CD247: variants seen among roughly 807,000 people sequenced by gnomAD.
CD247 encodes the protein T-cell surface glycoprotein CD3 zeta chain.
CD247 carries 13 observed loss-of-function variants against 30.0 expected under a neutral mutation model. The ratio of observed to expected loss-of-function variants is 0.43; its 90% confidence interval spans 0.28 to 0.69. The LOEUF is 0.69. CD247 is among the 30% of genes least tolerant of loss of function. The pLI is 0.16. For synonymous variants in CD247, 72 were observed against 80.0 expected (o/e 0.90, Z 0.53); for missense variants, 193 against 212.6 (o/e 0.91, Z 0.57).
chr1:167,437,004 T>C (rs1651575713), intron 4 of CD247, among the ~76,000 whole-genome samples: 1 of 152,184 alleles, frequency 6.6e-6, no homozygotes. Flanking sequence ...TGAAGTCTGC[T>C]TGTTGAAGAA....
At chr1:167,508,835 A>G (rs527699402) in intron 1 of CD247, among the ~76,000 whole-genome samples, 2 of 152,294 alleles carry the variant, frequency 1.3e-5, no homozygotes, top group African/African-American at 4.8e-5. Context: ...CTGAAGACAA[A>G]TTTAGACTTT....
chr1:167,508,058 A>C (rs1655222927), intron 1 of CD247, among the ~76,000 whole-genome samples: 1 of 152,190 alleles, frequency 6.6e-6, no homozygotes, highest in African/African-American at 2.4e-5. Flanking sequence ...AATTGTCATG[A>C]AGATCAAAAA....
intron 1 of CD247, among the ~76,000 whole-genome samples, chr1:167,501,989 C>T (rs775322141): frequency 7.2e-5 from 11 of 152,212 alleles, no homozygotes; most frequent in Admixed American, 2.6e-4. Flanking sequence ...AGGGCAACCC[C>T]GGTGCTCCCG....
chr1:167,492,313 GTT>G (rs1224392979), intron 1 of CD247, among the ~76,000 whole-genome samples: 1 of 152,172 alleles, frequency 6.6e-6, no homozygotes, highest in Non-Finnish European at 1.5e-5. Context: ...AGGGGGTGCT[GTT>G]AGCCTGTTTC....
At chr1:167,458,733 T>C (rs1275981222) in intron 1 of CD247, 1 of 137,900 alleles carries the variant, frequency 7.3e-6, no homozygotes, top group East Asian at 2.2e-4. Context: ...GGTCTTGCTC[T>C]CTTGTCCAGG....
intron 1 of CD247, among the ~76,000 whole-genome samples, chr1:167,474,856 G>A (rs1397573693): frequency 2.0e-5 from 3 of 149,474 alleles, no homozygotes; most frequent in Non-Finnish European, 1.5e-5. Context: ...GAGTTCAAGC[G>A]ATTCTCCTGC....
At chr1:167,460,251 A>C (rs1261180216) in intron 1 of CD247, among the ~76,000 whole-genome samples, 1 of 151,662 alleles carries the variant, frequency 6.6e-6, no homozygotes, top group Non-Finnish European at 1.5e-5. Context: ...AAAATAGAAA[A>C]ATTATCTGGG....
At chr1:167,482,133 G>A (rs1462309594) in intron 1 of CD247, among the ~76,000 whole-genome samples, 3 of 152,202 alleles carry the variant, frequency 2.0e-5, no homozygotes, top group Non-Finnish European at 4.4e-5. Flanking sequence ...CCTGTGAAAA[G>A]TTCTCTGGCC....
intron 1 of CD247, among the ~76,000 whole-genome samples, chr1:167,508,896 C>T (rs1479293162): frequency 6.6e-6 from 1 of 152,162 alleles, no homozygotes; most frequent in Non-Finnish European, 1.5e-5. Context: ...CTTTCTTGTG[C>T]TTATGGGCTC....
intron 1 of CD247, among the ~76,000 whole-genome samples, chr1:167,485,426 T>C (rs1225475370): frequency 6.6e-6 from 1 of 152,166 alleles, no homozygotes; most frequent in Non-Finnish European, 1.5e-5. Context: ...GTGGAGAGGC[T>C]GAGGTTTGTT....
At chr1:167,470,794 G>A (rs367845319) in intron 1 of CD247, among the ~76,000 whole-genome samples, 37 of 150,634 alleles carry the variant, frequency 2.5e-4, no homozygotes, top group African/African-American at 6.1e-4. Context: ...GCAGGTTATC[G>A]TTGATTTTTA....
At chr1:167,463,428 T>A (rs1399735050) in intron 1 of CD247, among the ~76,000 whole-genome samples, 2 of 152,214 alleles carry the variant, frequency 1.3e-5, no homozygotes, top group Non-Finnish European at 2.9e-5. Context: ...AGCAGAGACC[T>A]GAAAAAGTCA....
intron 1 of CD247, among the ~76,000 whole-genome samples, chr1:167,458,925 C>T (rs1283907795): frequency 6.6e-6 from 1 of 151,260 alleles, no homozygotes; most frequent in African/African-American, 2.4e-5. Flanking sequence ...GAGTTCGAGA[C>T]CAGCCTGGCC....
intron 1 of CD247, chr1:167,448,534 A>G: frequency 2.0e-6 from 2 of 985,330 alleles, no homozygotes; most frequent in Non-Finnish European, 1.2e-6. Context: ...ATGTGAGGCC[A>G]GGACTCACAC....
intron 1 of CD247, among the ~76,000 whole-genome samples, chr1:167,506,722 C>T (rs909475135): frequency 1.3e-5 from 2 of 151,868 alleles, no homozygotes; most frequent in Non-Finnish European, 2.9e-5. Flanking sequence ...GAGATGCATT[C>T]CTAAAGACTT....
At chr1:167,462,030 A>G (rs967149234) in intron 1 of CD247, among the ~76,000 whole-genome samples, 2 of 152,158 alleles carry the variant, frequency 1.3e-5, no homozygotes, top group African/African-American at 4.8e-5. Context: ...GTTCTGACCA[A>G]TTCACAGAGT....
rs189949343 is a variant in CD247, at chr1:167,508,426, G to A, written c.58+9982C>T. Among the ~76,000 whole-genome samples, 38 of 152,316 alleles carry A rather than the reference G, an allele frequency of 2.5e-4. 1 individual carries two copies. The East Asian group carries it at 5.4e-3, about 22-fold the overall frequency. On this transcript the variant is annotated intron_variant, in intron 1 of 7. Coordinates refer to ENST00000362089, the MANE Select transcript of CD247 (RefSeq NM_198053.3). ...CAGGGAGATGGATGGGTGAGCGATGGTGGATACAATTATTTGACTTTCTGA... is the reference window on the plus strand; with the variant it reads ...CAGGGAGATGGATGGGTGAGCGATGATGGATACAATTATTTGACTTTCTGA...
intron 1 of CD247, among the ~76,000 whole-genome samples, chr1:167,461,184 C>A (rs143286485): frequency 6.6e-6 from 1 of 152,220 alleles, no homozygotes. Context: ...GTTCACCTTG[C>A]GGCTTCCAAA....
At chr1:167,438,676 C>T (rs946291896) in intron 3 of CD247, 26 bp from the exon 4 acceptor site, 8 of 1,579,962 alleles carry the variant, frequency 5.1e-6, no homozygotes, top group Non-Finnish European at 7.0e-6. Flanking sequence ...AAGTGTCAGA[C>T]ACAGGACGGA....
Sources: gnomAD v4.1 joint callset for allele counts (sites outside exome capture counted in the v4.1 genomes callset) on GRCh38, gnomAD v4.1.1 for gene constraint, MANE v1.5 for transcripts, NCBI Gene and HGNC (gene_info 2026-07-23, HGNC 2026-07-21) for gene names.